DLGAP2: variants seen among roughly 807,000 people sequenced by gnomAD.
The protein encoded by DLGAP2 is DLG associated protein 2.
DLGAP2 carries 26 observed loss-of-function variants against 100.3 expected under a neutral mutation model. The observed-to-expected ratio is 0.26, with a 90% CI of 0.19 to 0.36. The LOEUF (loss-of-function observed/expected upper bound fraction) is 0.36. Among genes scored for constraint, DLGAP2 ranks in the 10% least tolerant of loss-of-function variants. DLGAP2 has a pLI of 1.00. For missense variants in DLGAP2, 1,858 were observed against 1,453.2 expected, an observed-to-expected ratio of 1.28 and a Z score of -4.53; for synonymous variants, 886 against 630.1, an observed-to-expected ratio of 1.41 and a Z score of -6.08.
At chr8:849,119 G>T (rs1051114463) in intron 1 of DLGAP2, among the ~76,000 whole-genome samples, 4 of 151,406 alleles carry the variant, frequency 2.6e-5, no homozygotes, top group South Asian at 4.2e-4. Context: ...TGCAGTGTCT[G>T]TTCTGGTATA....
chr8:779,313 T>G (rs532330517), intron 1 of DLGAP2, among the ~76,000 whole-genome samples: 2 of 152,156 alleles, frequency 1.3e-5, no homozygotes, highest in Admixed American at 1.3e-4. Context: ...GCCTTGCTCA[T>G]GCTGGGAGCT....
intron 12 of DLGAP2, among the ~76,000 whole-genome samples, chr8:1,688,695 TAAGAC>T (rs923880665): frequency 1.5e-4 from 23 of 152,190 alleles, no homozygotes; most frequent in African/African-American, 5.1e-4. Flanking sequence ...TTTAGAAAAA[TAAGAC>T]AAGACAGAAA....
At chr8:1,302,006 T>C (rs1238993838) in intron 3 of DLGAP2, 2 of 152,266 alleles carry the variant, frequency 1.3e-5, no homozygotes, top group Non-Finnish European at 2.9e-5. Context: ...TCGTGATGAA[T>C]TACTAACAAC....
At chr8:1,040,583 G>T (rs377054520) in intron 2 of DLGAP2, among the ~76,000 whole-genome samples, 1 of 149,602 alleles carries the variant, frequency 6.7e-6, no homozygotes, top group Non-Finnish European at 1.5e-5. Flanking sequence ...GGTTTCCGTG[G>T]TCGGCTCAGT....
At chr8:1,559,546 T>G (rs997011808) in intron 5 of DLGAP2, among the ~76,000 whole-genome samples, 1 of 152,234 alleles carries the variant, frequency 6.6e-6, no homozygotes, top group Non-Finnish European at 1.5e-5. Flanking sequence ...CCTGCGAAAT[T>G]GGCTTCTTAA....
chr8:1,325,218 A>G (rs543860117), intron 3 of DLGAP2, among the ~76,000 whole-genome samples: 20 of 152,296 alleles, frequency 1.3e-4, no homozygotes, highest in East Asian at 5.8e-4. Flanking sequence ...GAGATGTTCA[A>G]TGTCGCAATG....
chr8:1,686,130 T>C (rs770602960), intron 12 of DLGAP2, among the ~76,000 whole-genome samples: 6 of 152,222 alleles, frequency 3.9e-5, no homozygotes, highest in Non-Finnish European at 8.8e-5. Flanking sequence ...CACATGTTTA[T>C]TGCAGCATTA....
At chr8:1,529,987 G>A (rs1017156551) in intron 4 of DLGAP2, among the ~76,000 whole-genome samples, 3 of 152,300 alleles carry the variant, frequency 2.0e-5, no homozygotes, top group South Asian at 4.1e-4. Context: ...ATACCACAAG[G>A]CAAGTGGAGG....
At chr8:1,459,850 T>C (rs1798425419) in intron 3 of DLGAP2, among the ~76,000 whole-genome samples, 1 of 152,172 alleles carries the variant, frequency 6.6e-6, no homozygotes, top group East Asian at 1.9e-4. Flanking sequence ...CACGCCCGGC[T>C]AATTTTTGTG....
At position 1,680,752 on chromosome 8, in the gene DLGAP2, C is replaced by T. The variant is rs1490885610; in HGVS notation, c.2704+2123C>T. On this transcript the variant is annotated intron_variant, in intron 12 of 14. Transcript: ENST00000637795. ...TCTAAAAATCACTCATTTTCTGCAG[C>T]ATCTTCCACCCTTGTTAGTATATGC... 3 of 152,254 alleles carry T rather than the reference C, an allele frequency of 2.0e-5. No individual in the cohort carries two copies. In the East Asian group the frequency reaches 5.8e-4, roughly 29 times the overall value. The allele number at this position is 152,254 out of a possible 1,614,324, so 9.4% of individuals were successfully genotyped here.
chr8:965,690 C>A lies in DLGAP2; in HGVS notation c.73+57724C>A, dbSNP rs374513523. Among the ~76,000 whole-genome samples, 6 of 144,878 alleles carry A rather than the reference C, an allele frequency of 4.1e-5. No individual in the cohort carries two copies. In the East Asian group the frequency reaches 1.2e-3, roughly 30 times the overall value. On this transcript the variant is annotated intron_variant, in intron 2 of 14. Coordinates refer to ENST00000637795, the MANE Select transcript of DLGAP2 (RefSeq NM_001346810.2). ...CCGCACTGCACACGGCACTGTTCACCTCACACGGCTCCTGAGCCCAACCCC... is the reference window on the plus strand; with the variant it reads ...CCGCACTGCACACGGCACTGTTCACATCACACGGCTCCTGAGCCCAACCCC...
intron 3 of DLGAP2, among the ~76,000 whole-genome samples, chr8:1,377,345 C>G (rs1267182540): frequency 6.6e-6 from 1 of 152,198 alleles, no homozygotes; most frequent in African/African-American, 2.4e-5. Flanking sequence ...GAGATCGAGA[C>G]CATCCTGGGT....
intron 1 of DLGAP2, among the ~76,000 whole-genome samples, chr8:874,969 C>CT (rs1797662684): frequency 6.6e-6 from 1 of 152,100 alleles, no homozygotes; most frequent in African/African-American, 2.4e-5. Context: ...TGTTATTGCT[C>CT]CTGATGGGTT....
chr8:742,990 C>A (rs969676182), intron 1 of DLGAP2, among the ~76,000 whole-genome samples: 2 of 152,148 alleles, frequency 1.3e-5, no homozygotes, highest in South Asian at 2.1e-4. Flanking sequence ...TGAAAAAATA[C>A]AATTGAGGCC....
At chr8:1,001,093 A>T (rs1312383253) in intron 2 of DLGAP2, among the ~76,000 whole-genome samples, 1 of 152,196 alleles carries the variant, frequency 6.6e-6, no homozygotes, top group Non-Finnish European at 1.5e-5. Flanking sequence ...AGGGAATCAC[A>T]ATTTCTCCAC....
In DLGAP2 at chr8:945,815, G is replaced by A. The variant is rs138664902; in HGVS notation, c.73+37849G>A. Among the ~76,000 whole-genome samples, 576 of 151,362 alleles carry A rather than the reference G, an allele frequency of 3.8e-3. 3 individuals are homozygous for A. Among genetic ancestry groups the A allele is most frequent in the Middle Eastern group, 0.021 (6 of 292 alleles). On this transcript the variant is annotated intron_variant, in intron 2 of 14. Transcript: ENST00000637795. ...CCTCTCCTCCCTCTCTCGCTCCCTCGCTGTCCATTTCCCCCTCTCTCTCTG... is the reference window on the plus strand; with the variant it reads ...CCTCTCCTCCCTCTCTCGCTCCCTCACTGTCCATTTCCCCCTCTCTCTCTG...
chr8:955,078 A>G (rs1004812049), intron 2 of DLGAP2, among the ~76,000 whole-genome samples: 1 of 151,826 alleles, frequency 6.6e-6, no homozygotes, highest in Non-Finnish European at 1.5e-5. Context: ...TGCTTGGCCA[A>G]TATTGATCTC....
chr8:832,674 T>C (rs78256880), intron 1 of DLGAP2, among the ~76,000 whole-genome samples: 1,730 of 152,366 alleles, frequency 0.011, 33 homozygotes, highest in African/African-American at 0.04. Flanking sequence ...TAAACACTTA[T>C]GTTAAAGCTT....
chr8:1,006,921 G>A (rs1042583306), intron 2 of DLGAP2, among the ~76,000 whole-genome samples: 37 of 142,318 alleles, frequency 2.6e-4, no homozygotes, highest in Middle Eastern at 4.1e-3. Context: ...GGCGCCCTGC[G>A]TCTCAAGTCT....
Sources: gnomAD v4.1 joint callset for allele counts (sites outside exome capture counted in the v4.1 genomes callset) on GRCh38, gnomAD v4.1.1 for gene constraint, MANE v1.5 for transcripts, NCBI Gene and HGNC (gene_info 2026-07-23, HGNC 2026-07-21) for gene names.